PTPRT: variants seen among roughly 807,000 people sequenced by gnomAD.
PTPRT encodes receptor-type tyrosine-protein phosphatase T.
A neutral mutation model predicts 176.8 loss-of-function variants in PTPRT; 56 were observed. The observed-to-expected ratio is 0.32, with a 90% CI of 0.26 to 0.40. The LOEUF (loss-of-function observed/expected upper bound fraction) is 0.40, where lower values mean the gene tolerates loss of function less well. PTPRT is among the 10% of genes least tolerant of loss of function. The pLI, the probability that PTPRT is intolerant of heterozygous loss-of-function variation, is 1.00. For missense variants in PTPRT, 1,540 were observed against 1,908.2 expected (o/e 0.81, Z 3.60); for synonymous variants, 783 against 739.0 (o/e 1.06, Z -0.96).
chr20:42,989,366 A>G (rs1358146958), intron 1 of PTPRT, among the ~76,000 whole-genome samples: 2 of 152,244 alleles, frequency 1.3e-5, no homozygotes, highest in Non-Finnish European at 2.9e-5. Flanking sequence ...GCAGTGAGAG[A>G]TGACAAAATG....
intron 7 of PTPRT, among the ~76,000 whole-genome samples, chr20:42,567,840 G>C (rs1010516611): frequency 1.3e-5 from 2 of 152,124 alleles, no homozygotes; most frequent in South Asian, 4.1e-4. Context: ...ATTGATACAT[G>C]GCACTTGGTC....
chr20:42,948,818 G>A (rs1981050157), intron 1 of PTPRT, among the ~76,000 whole-genome samples: 2 of 152,172 alleles, frequency 1.3e-5, no homozygotes, highest in South Asian at 4.1e-4. Context: ...CCCAGCTAGA[G>A]CGATGACTGC....
chr20:42,586,117 G>A (rs976540095), intron 7 of PTPRT, among the ~76,000 whole-genome samples: 5 of 151,944 alleles, frequency 3.3e-5, no homozygotes, highest in Admixed American at 2.0e-4. Context: ...GATTACCAGC[G>A]ATTCCCTACA....
At chr20:43,144,623 C>G (rs1270518166) in intron 1 of PTPRT, among the ~76,000 whole-genome samples, 1 of 152,114 alleles carries the variant, frequency 6.6e-6, no homozygotes, top group East Asian at 1.9e-4. Context: ...TAGGCAAATC[C>G]ATAGCGACAG....
At chr20:42,785,448 C>A (rs1009372669) in intron 3 of PTPRT, among the ~76,000 whole-genome samples, 1 of 152,128 alleles carries the variant, frequency 6.6e-6, no homozygotes, top group Admixed American at 6.5e-5. Context: ...TTTTAAAACC[C>A]ATTTTGCTAG....
chr20:43,096,097 T>A (rs2146316596), intron 1 of PTPRT, among the ~76,000 whole-genome samples: 1 of 141,722 alleles, frequency 7.1e-6, no homozygotes, highest in African/African-American at 2.7e-5. Context: ...TCTCTTTCCC[T>A]CTCTCTCTCC....
intron 18 of PTPRT, among the ~76,000 whole-genome samples, chr20:42,140,232 T>C (rs1444168769): frequency 6.6e-6 from 1 of 152,162 alleles, no homozygotes; most frequent in Non-Finnish European, 1.5e-5. Context: ...GATCCTTTTT[T>C]TTTTTCTTTT....
At chr20:43,162,675 G>C (rs1280775453) in intron 1 of PTPRT, among the ~76,000 whole-genome samples, 1 of 126,756 alleles carries the variant, frequency 7.9e-6, no homozygotes, top group Non-Finnish European at 1.9e-5. Flanking sequence ...CCAGGATCTG[G>C]TCTGGGGCTG....
chr20:43,167,012 T>G (rs2014875823), intron 1 of PTPRT, among the ~76,000 whole-genome samples: 1 of 152,186 alleles, frequency 6.6e-6, no homozygotes, highest in African/African-American at 2.4e-5. Context: ...TCATAGACTG[T>G]GCCTGGCATC....
intron 18 of PTPRT, among the ~76,000 whole-genome samples, chr20:42,135,991 T>C (rs1988354430): frequency 6.6e-6 from 1 of 152,098 alleles, no homozygotes; most frequent in Admixed American, 6.5e-5. Flanking sequence ...TAAGGTCTCA[T>C]GGCCACCCGA....
chr20:42,972,132 T>C (rs143911250), intron 1 of PTPRT, among the ~76,000 whole-genome samples: 1 of 145,526 alleles, frequency 6.9e-6, no homozygotes, highest in East Asian at 2.2e-4. Flanking sequence ...CAAGGAATCA[T>C]CATGGAATGC....
At chr20:42,470,024 G>A (rs540075321) in intron 8 of PTPRT, among the ~76,000 whole-genome samples, 81 of 152,188 alleles carry the variant, frequency 5.3e-4, no homozygotes, top group African/African-American at 1.9e-3. Context: ...AAAGAAAGAA[G>A]AAAATGAAAA....
chr20:43,086,360 C>T (rs2011602436), intron 1 of PTPRT, among the ~76,000 whole-genome samples: 1 of 152,244 alleles, frequency 6.6e-6, no homozygotes, highest in African/African-American at 2.4e-5. Context: ...TGTGTAAGCC[C>T]ACCCTACATC....
At chr20:42,333,323 T>C (rs1257056895) in intron 11 of PTPRT, among the ~76,000 whole-genome samples, 1 of 152,206 alleles carries the variant, frequency 6.6e-6, no homozygotes, top group Non-Finnish European at 1.5e-5. Flanking sequence ...ATATTATTTA[T>C]ATTAATATGT....
chr20:42,229,393 A>T (rs1351003047), intron 15 of PTPRT, among the ~76,000 whole-genome samples: 1 of 152,228 alleles, frequency 6.6e-6, no homozygotes, highest in Non-Finnish European at 1.5e-5. Flanking sequence ...TTTGATATTT[A>T]CTAGTAATTG....
chr20:42,319,153 G>A (rs1173327325), intron 11 of PTPRT, among the ~76,000 whole-genome samples: 5 of 152,096 alleles, frequency 3.3e-5, no homozygotes, highest in African/African-American at 1.2e-4. Flanking sequence ...AAGCTCAAAA[G>A]CCAGATTACA....
chr20:42,459,581 G>T (rs2070983219), intron 8 of PTPRT, among the ~76,000 whole-genome samples: 3 of 152,332 alleles, frequency 2.0e-5, no homozygotes, highest in Middle Eastern at 3.4e-3. Context: ...GACATACATT[G>T]CAGGATGAAC....
chr20:43,108,202 C>T (rs767084843), intron 1 of PTPRT, among the ~76,000 whole-genome samples: 7 of 152,158 alleles, frequency 4.6e-5, no homozygotes, highest in Non-Finnish European at 1.0e-4. Flanking sequence ...ACTGGCCTGG[C>T]ATCTTCTGTT....
intron 21 of PTPRT, among the ~76,000 whole-genome samples, chr20:42,115,580 AT>A (rs1198620600): frequency 6.6e-6 from 1 of 152,256 alleles, no homozygotes; most frequent in African/African-American, 2.4e-5. Flanking sequence ...TTTCCAATGC[AT>A]TATCACACTA....
Sources: allele counts gnomAD v4.1 joint callset (sites outside exome capture counted in the v4.1 genomes callset), GRCh38; gene constraint gnomAD v4.1.1; transcripts MANE v1.5; gene names NCBI Gene and HGNC (gene_info 2026-07-23, HGNC 2026-07-21).